Variants in KLHL2 observed in about 807,000 individuals in gnomAD.
KLHL2 encodes kelch-like protein 2.
A neutral mutation model predicts 75.8 loss-of-function variants in KLHL2; 15 were observed. That is an observed-to-expected ratio of 0.20 (90% CI 0.13 to 0.30). KLHL2 has a LOEUF of 0.30. Ranked by LOEUF, KLHL2 falls within the 10% of genes least tolerant of loss-of-function variation. The probability of loss-of-function intolerance (pLI) is 1.00; values close to 1 mark genes in which losing one functional copy is unlikely to be tolerated. For missense variants in KLHL2, 381 were observed against 741.0 expected, an observed-to-expected ratio of 0.51 and a Z score of 5.64; for synonymous variants, 214 against 251.9, an observed-to-expected ratio of 0.85 and a Z score of 1.42.
intron 5 of KLHL2, chr4:165,278,272 AC>A: frequency 9.3e-7 from 1 of 1,072,982 alleles, no homozygotes; most frequent in Non-Finnish European, 1.5e-6. Context: ...CCATGGCAGC[AC>A]CCAGTGCAGT....
rs965842051 is a variant in KLHL2, at chr4:165,207,964, G to T, written c.26+62G>T. Reference sequence around the variant, plus strand: ...TAAGCGCGCCGCTGCGGCGCGTGTCGCCGGCCGCGGGCGCAGCTCTGGGGA... The same window carrying T: ...TAAGCGCGCCGCTGCGGCGCGTGTCTCCGGCCGCGGGCGCAGCTCTGGGGA... On this transcript the variant is annotated intron_variant, in intron 1 of 14. Coordinates refer to ENST00000226725, the MANE Select transcript of KLHL2 (RefSeq NM_007246.4). The surrounding 1 kb of genome is among the most constrained non-coding windows in gnomAD (Gnocchi z 4.2). 8.1e-7 allele frequency: 1 copy of T among 1,233,972 alleles called. No homozygotes were observed. Among genetic ancestry groups the T allele is most frequent in the Non-Finnish European group, 1.0e-6 (1 of 978,882 alleles). 76.4% of individuals were successfully genotyped at this position (1,233,972 alleles called of 1,614,324 possible).
chr4:165,228,119 A>T (rs1207915629), intron 2 of KLHL2, among the ~76,000 whole-genome samples: 2 of 152,252 alleles, frequency 1.3e-5, no homozygotes, highest in Non-Finnish European at 1.5e-5. Context: ...GCTGGTCTCA[A>T]ACTTCTGGCT....
intron 2 of KLHL2, among the ~76,000 whole-genome samples, chr4:165,223,296 G>T (rs1738158676): frequency 6.6e-6 from 1 of 152,224 alleles, no homozygotes; most frequent in African/African-American, 2.4e-5. Flanking sequence ...AGTGTCTAGA[G>T]AGCTGCTGGA....
At chr4:165,229,055 A>G in intron 3 of KLHL2, 142 bp downstream of exon 3, 1 of 579,462 alleles carries the variant, frequency 1.7e-6, no homozygotes, top group Non-Finnish European at 3.1e-6. Context: ...CTTTGTTCCA[A>G]ATTCCTCCTC....
intron 13 of KLHL2, among the ~76,000 whole-genome samples, chr4:165,317,180 A>C (rs1482365403): frequency 6.6e-6 from 1 of 151,986 alleles, no homozygotes; most frequent in Non-Finnish European, 1.5e-5. Flanking sequence ...TTTCTTCCTT[A>C]AGATTCCCTA....
intron 9 of KLHL2, among the ~76,000 whole-genome samples, chr4:165,309,183 A>G (rs1745958407): frequency 6.6e-6 from 1 of 152,226 alleles, no homozygotes; most frequent in Admixed American, 6.5e-5. Flanking sequence ...TAAAGTAATT[A>G]TATTATAGAC....
At position 165,210,097 on chromosome 4, in the gene KLHL2, C is replaced by A. The variant is rs1737103070; in HGVS notation, c.26+2195C>A. 2.6e-6 allele frequency: 4 copies of A among 1,551,516 alleles called. No individual in the cohort carries two copies. In the East Asian group the frequency reaches 7.3e-5, roughly 28 times the overall value. The stretch of plus-strand genomic sequence containing the variant: ...GCTTTTCATGAAGTTAGATTTTTAG[C>A]CTGAGCTTTAAGTCAAAGAAAGATG... On this transcript the variant is annotated intron_variant, in intron 1 of 14. Transcript: ENST00000226725.
At chr4:165,279,111 CA>C (rs1400632102) in intron 5 of KLHL2, 1 of 1,592,708 alleles carries the variant, frequency 6.3e-7, no homozygotes, top group African/African-American at 1.3e-5. Context: ...AGCCATGAAT[CA>C]ATAGTCCCAA....
chr4:165,268,320 TG>T (rs1742408215), intron 5 of KLHL2, among the ~76,000 whole-genome samples: 1 of 152,210 alleles, frequency 6.6e-6, no homozygotes, highest in South Asian at 2.1e-4. Context: ...CCTTCAGTTC[TG>T]CTCTGATCTT....
At chr4:165,297,792 CCCTA>C (rs1745028192) in intron 7 of KLHL2, 67 bp downstream of exon 7, 4 of 936,810 alleles carry the variant, frequency 4.3e-6, no homozygotes, top group Non-Finnish European at 5.3e-6. Context: ...GCATGTAGAT[CCCTA>C]TCAAGCAGTG....
chr4:165,270,842 ACTG>A (rs1292467323), intron 5 of KLHL2, among the ~76,000 whole-genome samples: 6 of 152,194 alleles, frequency 3.9e-5, no homozygotes, highest in Non-Finnish European at 5.9e-5. Context: ...TGAGAGAACC[ACTG>A]CTCTCTTCAG....
chr4:165,274,704 A>G (rs1345857395), intron 5 of KLHL2, among the ~76,000 whole-genome samples: 1 of 152,176 alleles, frequency 6.6e-6, no homozygotes, highest in Admixed American at 6.5e-5. Flanking sequence ...TCTCTTGCCC[A>G]TTGGAAACAA....
At chr4:165,289,327 A>G (rs1744325980) in intron 5 of KLHL2, among the ~76,000 whole-genome samples, 2 of 152,196 alleles carry the variant, frequency 1.3e-5, no homozygotes, top group African/African-American at 4.8e-5. Context: ...AGCTCAGTAT[A>G]AGAATGTAAA....
intron 2 of KLHL2, among the ~76,000 whole-genome samples, chr4:165,222,792 G>A (rs778052291): frequency 5.9e-5 from 9 of 152,178 alleles, no homozygotes; most frequent in Non-Finnish European, 1.2e-4. Context: ...AGCTGAGAGT[G>A]GTTTCCTGAC....
At chr4:165,250,017 G>A (rs1439161150) in intron 4 of KLHL2, among the ~76,000 whole-genome samples, 1 of 152,056 alleles carries the variant, frequency 6.6e-6, no homozygotes, top group Non-Finnish European at 1.5e-5. Flanking sequence ...CCAGCTACTA[G>A]GGAGGCTGAG....
intron 5 of KLHL2, among the ~76,000 whole-genome samples, chr4:165,268,058 G>T (rs1265153770): frequency 6.6e-6 from 1 of 152,080 alleles, no homozygotes; most frequent in African/African-American, 2.4e-5. Flanking sequence ...ATGTGTCCAG[G>T]AATTTATCCA....
At chr4:165,214,389 G>A (rs1459283093) in intron 1 of KLHL2, among the ~76,000 whole-genome samples, 2 of 152,134 alleles carry the variant, frequency 1.3e-5, no homozygotes, top group Non-Finnish European at 2.9e-5. Flanking sequence ...GATTGATCTT[G>A]CATAAGACAT....
At chr4:165,295,967 T>C (rs953773535) in intron 6 of KLHL2, among the ~76,000 whole-genome samples, 1 of 152,232 alleles carries the variant, frequency 6.6e-6, no homozygotes, top group East Asian at 1.9e-4. Flanking sequence ...AGAAATATCA[T>C]GAGGGCTGTT....
intron 6 of KLHL2, among the ~76,000 whole-genome samples, chr4:165,295,058 G>T (rs28758200): frequency 1.0e-3 from 159 of 152,226 alleles, no homozygotes; most frequent in African/African-American, 3.7e-3. Context: ...TCTCTGTGCA[G>T]CTACTGCTTC....
Sources: allele counts gnomAD v4.1 joint callset (sites outside exome capture counted in the v4.1 genomes callset), GRCh38; gene constraint gnomAD v4.1.1; non-coding constraint Gnocchi (gnomAD v3.1); transcripts MANE v1.5; gene names NCBI Gene and HGNC (gene_info 2026-07-23, HGNC 2026-07-21).